ZNF451: variants seen among roughly 807,000 people sequenced by gnomAD.
ZNF451 encodes the protein E3 SUMO-protein ligase ZNF451.
In ZNF451, 80 loss-of-function variants were observed where a neutral mutation model predicts 107.1. The observed-to-expected ratio is 0.75, with a 90% confidence interval of 0.62 to 0.90. ZNF451 has a LOEUF of 0.90. Ranked by LOEUF, ZNF451 falls within the 40% of genes least tolerant of loss-of-function variation. ZNF451 has a pLI of 0.00. For synonymous variants in ZNF451, 362 were observed against 406.5 expected, an observed-to-expected ratio of 0.89 and a Z score of 1.32; for missense variants, 1,107 against 1,236.2, an observed-to-expected ratio of 0.90 and a Z score of 1.57.
intron 1 of ZNF451, 122 bp downstream of exon 1, chr6:57,090,396 G>A: frequency 6.8e-7 from 1 of 1,466,296 alleles, no homozygotes; most frequent in Non-Finnish European, 9.2e-7. Flanking sequence ...CAGTGTCTTG[G>A]GCCGAGCCCA....
At chr6:57,141,126 G>A (rs1831735330) in intron 7 of ZNF451, among the ~76,000 whole-genome samples, 176 bp from the exon 8 acceptor site, 1 of 152,066 alleles carries the variant, frequency 6.6e-6, no homozygotes, top group African/African-American at 2.4e-5. Context: ...TTGACATTTG[G>A]GACCTCGGTT....
intron 14 of ZNF451, among the ~76,000 whole-genome samples, chr6:57,163,938 T>G (rs529770194): frequency 2.6e-4 from 39 of 152,314 alleles, no homozygotes; most frequent in Non-Finnish European, 4.7e-4. Context: ...CAAAAAAAAT[T>G]TTAAGCAACC....
At chr6:57,103,308 T>C in intron 3 of ZNF451, 2 of 984,936 alleles carry the variant, frequency 2.0e-6, no homozygotes, top group Non-Finnish European at 2.4e-6. Flanking sequence ...ATCTAAGTGA[T>C]GATATCCATT....
intron 13 of ZNF451, among the ~76,000 whole-genome samples, chr6:57,160,307 G>GTCTTT (rs755111158): frequency 6.7e-6 from 1 of 149,126 alleles, no homozygotes; most frequent in Non-Finnish European, 1.5e-5. Flanking sequence ...CCCCTCCCCT[G>GTCTTT]TCTTTTCTTT....
intron 3 of ZNF451, chr6:57,106,865 A>C (rs1398213069): frequency 2.1e-6 from 2 of 971,244 alleles, no homozygotes; most frequent in East Asian, 1.1e-4. Flanking sequence ...GTTATCAGTA[A>C]ACTGGTGATT....
In ZNF451 at chr6:57,134,733, T is replaced by C. The variant is rs1035132945; in HGVS notation, c.576-11T>C. 1.9e-6 allele frequency: 3 copies of C among 1,608,542 alleles called. No homozygotes were observed. The highest frequency in any genetic ancestry group is 2.7e-5 in the African/African-American group (2 of 74,628). ...TATCTAATATTACCTCTTACCTCTT[T>C]TGCTGAGTAGGTTCGATCACTCTCC... On this transcript the variant is annotated splice_polypyrimidine_tract_variant and intron_variant, in intron 6 of 14. Transcript: ENST00000370706.
chr6:57,105,224 G>C (rs1020334280), intron 3 of ZNF451: 2 of 985,220 alleles, frequency 2.0e-6, no homozygotes. Context: ...CCTTGGAATA[G>C]TTGCAAGTTT....
At chr6:57,149,034 T>C (rs938410369) in intron 10 of ZNF451, among the ~76,000 whole-genome samples, 2 of 152,220 alleles carry the variant, frequency 1.3e-5, no homozygotes, top group Non-Finnish European at 2.9e-5. Context: ...ATTTTTCTTG[T>C]AATATTTGGG....
In ZNF451 at chr6:57,147,443, A is replaced by G. The variant is rs373024721; in HGVS notation, c.1358A>G (p.Asp453Gly). 40 of 1,614,038 alleles carry G rather than the reference A, an allele frequency of 2.5e-5. No homozygotes were observed. In the African/African-American group the frequency reaches 5.2e-4, roughly 21 times the overall value. Residue 453 changes from aspartate to glycine, a missense_variant, in exon 10 of 15, where the codon GAT becomes GGT. Asp to Gly is a moderately conservative substitution (Grantham distance 94, BLOSUM62 -1). Transcript: ENST00000370706. Reference protein sequence around the residue: ...AIPKKKMNLKDKSHEGVACVQ... With the variant: ...AIPKKKMNLKGKSHEGVACVQ... ...CCAAAAAAGAAGATGAATTTAAAAGATAAAAGCCATGAAGGTGTTGCTTGT... is the reference window on the plus strand; with the variant it reads ...CCAAAAAAGAAGATGAATTTAAAAGGTAAAAGCCATGAAGGTGTTGCTTGT...
chr6:57,110,112 GAGTT>G (rs2127947943), intron 3 of ZNF451, among the ~76,000 whole-genome samples: 1 of 152,252 alleles, frequency 6.6e-6, no homozygotes, highest in Admixed American at 6.5e-5. Context: ...GATTAGGCAA[GAGTT>G]AGTTGGCCTG....
Position 57,147,100 on chromosome 6 carries a change from C to G in ZNF451, c.1015C>G (p.Arg339Gly). ...TTTTATCTAATTTAGAGTTCATTGTCGAAATGCTGGACCTGTAGCTGTAGC... is the reference window on the plus strand; with the variant it reads ...TTTTATCTAATTTAGAGTTCATTGTGGAAATGCTGGACCTGTAGCTGTAGC... ...ELTAHFRVHC[R>G]NAGPVAVAEK... Residue 339 changes from arginine (R) to glycine (G), a missense_variant, in exon 10 of 15, where the codon CGA becomes GGA. Around this residue, in one of 5 missense-constraint regions of ZNF451, gnomAD observed 339 missense variants for 372.8 expected, o/e 0.91. Transcript: ENST00000370706. The G allele has an allele frequency of 1.3e-6, 2 of 1,599,888 alleles. No individual in the cohort carries two copies. Among genetic ancestry groups the G allele is most frequent in the Non-Finnish European group, 1.7e-6 (2 of 1,172,642 alleles).
chr6:57,141,550 A>C, intron 8 of ZNF451, 95 bp downstream of exon 8: 1 of 1,138,862 alleles, frequency 8.8e-7, no homozygotes, highest in Non-Finnish European at 1.2e-6. Context: ...ACATATCCTC[A>C]TCTTAGTTTT....
chr6:57,161,254 C>T (rs1763662526), intron 14 of ZNF451, 102 bp downstream of exon 14: 3 of 600,960 alleles, frequency 5.0e-6, no homozygotes, highest in South Asian at 4.8e-5. Flanking sequence ...TCCCTTCTAC[C>T]CCCAAGTTAA....
At chr6:57,128,101 A>G (rs1831017176) in intron 4 of ZNF451, among the ~76,000 whole-genome samples, 1 of 152,226 alleles carries the variant, frequency 6.6e-6, no homozygotes, top group Non-Finnish European at 1.5e-5. Context: ...GATGGCAACA[A>G]ATGCTTTACA....
chr6:57,121,546 A>G (rs1226496429), intron 3 of ZNF451, among the ~76,000 whole-genome samples: 2 of 152,180 alleles, frequency 1.3e-5, no homozygotes, highest in African/African-American at 4.8e-5. Context: ...CTTTGATACA[A>G]AATTAACTAC....
intron 3 of ZNF451, among the ~76,000 whole-genome samples, chr6:57,119,839 A>G (rs1204018666): frequency 2.0e-5 from 3 of 151,484 alleles, no homozygotes; most frequent in Non-Finnish European, 4.4e-5. Flanking sequence ...ACCTTGTAGC[A>G]GGAGAATTGT....
At chr6:57,102,093 T>A in intron 3 of ZNF451, 2 of 1,500,554 alleles carry the variant, frequency 1.3e-6, no homozygotes, top group Non-Finnish European at 1.8e-6. Flanking sequence ...GGTACAAGAA[T>A]TAATAACCTG....
chr6:57,147,980 A>C lies in ZNF451; in HGVS notation c.1895A>C (p.Lys632Thr). Residue 632 changes from lysine (K) to threonine (T), a missense_variant, in exon 10 of 15, where the codon AAG becomes ACG. This residue lies in a region of ZNF451 where 608 missense variants were observed against 649.2 expected (regional missense o/e 0.94). Transcript: ENST00000370706. ...KQHCMSLASHKFHRYSCAHCR... is the reference protein window; with the variant it reads ...KQHCMSLASHTFHRYSCAHCR... ...CACTGCATGTCTTTGGCAAGCCACA[A>C]GTTTCATAGATACAGCTGTGCTCAC... The C allele has an allele frequency of 1.2e-6, 2 of 1,614,136 alleles. No individual in the cohort carries two copies. Among genetic ancestry groups the C allele is most frequent in the Admixed American group, 1.7e-5 (1 of 60,032 alleles).
chr6:57,107,484 GGTA>G (rs1482322158), intron 3 of ZNF451: 5 of 985,066 alleles, frequency 5.1e-6, no homozygotes, highest in Non-Finnish European at 6.0e-6. Flanking sequence ...CTTGTTTAAT[GGTA>G]GTAGTATTTT....
Sources: allele counts gnomAD v4.1 joint callset (sites outside exome capture counted in the v4.1 genomes callset), GRCh38; gene constraint gnomAD v4.1.1; regional missense constraint gnomAD v4.1.1; transcripts MANE v1.5; gene names NCBI Gene and HGNC (gene_info 2026-07-23, HGNC 2026-07-21).